The following USP12 variants were observed in gnomAD, a reference collection of about 807,000 sequenced individuals.
The protein encoded by USP12 is ubiquitin specific peptidase 12, also known as ubiquitin carboxyl-terminal hydrolase 12.
Under a neutral mutation model 45.5 loss-of-function variants are expected in USP12, and 19 were observed. That is an observed-to-expected ratio of 0.42 (90% CI 0.29 to 0.61). The LOEUF is 0.61. Ranked by LOEUF, USP12 falls within the 20% of genes least tolerant of loss-of-function variation. The pLI is 0.22. For synonymous variants in USP12, 149 were observed against 148.8 expected (o/e 1.00, Z -0.01); for missense variants, 242 against 447.7 (o/e 0.54, Z 4.15).
chr13:27,169,374 C>G (rs954634097), intron 1 of USP12, among the ~76,000 whole-genome samples: 5 of 152,108 alleles, frequency 3.3e-5, no homozygotes, highest in Admixed American at 2.0e-4. Context: ...AAAACAGCAC[C>G]TACAAAGCCA....
At chr13:27,109,041 T>C (rs1012491156) in intron 2 of USP12, among the ~76,000 whole-genome samples, 8 of 152,142 alleles carry the variant, frequency 5.3e-5, no homozygotes, top group Non-Finnish European at 1.5e-5. Flanking sequence ...CAAACTAATA[T>C]ATAAAAGGAA....
In USP12 at chr13:27,069,268, C is replaced by T; in HGVS notation, c.*15G>A. On this transcript the variant is annotated 3_prime_UTR_variant, in exon 9 of 9. Transcript: ENST00000282344. ...AGAAATGAGGCAGAAAGTGTCTCTT[C>T]ATCACGGTTCCCTCTCAGTCCCGAG... 1 of 1,592,406 alleles carries T rather than the reference C, an allele frequency of 6.3e-7. No individual in the cohort carries two copies. Among genetic ancestry groups the T allele is most frequent in the African/African-American group, 1.3e-5 (1 of 74,572 alleles).
intron 1 of USP12, among the ~76,000 whole-genome samples, chr13:27,157,707 T>C (rs1249397678): frequency 1.3e-5 from 2 of 152,136 alleles, no homozygotes; most frequent in African/African-American, 4.8e-5. Context: ...CGCCAGGACC[T>C]TTGTCCTCTT....
chr13:27,078,907 A>G (rs1873617292), intron 6 of USP12, among the ~76,000 whole-genome samples: 1 of 152,102 alleles, frequency 6.6e-6, no homozygotes, highest in South Asian at 2.1e-4. Flanking sequence ...CATTCTTCTC[A>G]AGTTCAACCG....
intron 7 of USP12, among the ~76,000 whole-genome samples, chr13:27,072,908 C>G (rs1593169150): frequency 6.6e-6 from 1 of 152,084 alleles, no homozygotes; most frequent in East Asian, 1.9e-4. Context: ...ACAAATAAGT[C>G]TGATAAATAA....
At chr13:27,154,067 T>G (rs868033481) in intron 1 of USP12, among the ~76,000 whole-genome samples, 2 of 138,202 alleles carry the variant, frequency 1.4e-5, no homozygotes. Context: ...CACAGAAATA[T>G]CCACATCTTT....
chr13:27,120,911 A>G lies in USP12; in HGVS notation c.49-4315T>C, dbSNP rs189520099. 1.3e-3 allele frequency among the ~76,000 whole-genome samples: 195 copies of G among 152,342 alleles called. 1 individual carries two copies. Among genetic ancestry groups the G allele is most frequent in the African/African-American group, 4.4e-3 (184 of 41,580 alleles). On this transcript the variant is annotated intron_variant, in intron 1 of 8. Transcript: ENST00000282344. ...ATAAAATAATCTGCAGAAATCAAAA[A>G]ACAAAAGTGATGGGGGAACTACGAG... is the stretch of plus-strand genomic sequence containing the variant.
intron 2 of USP12, among the ~76,000 whole-genome samples, chr13:27,112,455 ATTT>A (rs61084865): frequency 7.0e-6 from 1 of 142,438 alleles, no homozygotes; most frequent in Admixed American, 7.1e-5. Flanking sequence ...TGCTCCCAGC[ATTT>A]TTTTTTTTTT....
At chr13:27,163,075 C>G (rs1016418215) in intron 1 of USP12, among the ~76,000 whole-genome samples, 2 of 152,090 alleles carry the variant, frequency 1.3e-5, no homozygotes, top group Non-Finnish European at 2.9e-5. Flanking sequence ...GTTTTGTTGT[C>G]ATTTTCTCTT....
At chr13:27,153,964 A>G (rs1877701685) in intron 1 of USP12, among the ~76,000 whole-genome samples, 1 of 152,250 alleles carries the variant, frequency 6.6e-6, no homozygotes, top group Non-Finnish European at 1.5e-5. Context: ...TCGTTTAATA[A>G]CTGCAAAACA....
intron 2 of USP12, among the ~76,000 whole-genome samples, chr13:27,109,371 A>G (rs775726945): frequency 2.0e-5 from 3 of 152,242 alleles, no homozygotes; most frequent in African/African-American, 7.2e-5. Flanking sequence ...CAAAATCACT[A>G]AACTTTAATC....
At chr13:27,120,294 A>G (rs1040285452) in intron 1 of USP12, among the ~76,000 whole-genome samples, 2 of 152,246 alleles carry the variant, frequency 1.3e-5, no homozygotes, top group African/African-American at 4.8e-5. Flanking sequence ...TATCAAAACT[A>G]ACAATAGCTT....
Position 27,114,782 on chromosome 13 carries a change from AAAAC to A in USP12, c.129+1730_129+1733del, listed in dbSNP as rs1315608623. Among the ~76,000 whole-genome samples the A allele has an allele frequency of 3.3e-5, 5 of 152,144 alleles. No homozygotes were observed. In the South Asian group the frequency reaches 1.0e-3, roughly 32 times the overall value. ...CCTCTCCATTTTTAAAAAAAAAAAAAAAACAAACTTGAGCAATATAGCAAGATCC... is the reference window on the plus strand; with the variant it reads ...CCTCTCCATTTTTAAAAAAAAAAAAAAAACTTGAGCAATATAGCAAGATCC... On this transcript the variant is annotated intron_variant, in intron 2 of 8. Coordinates refer to ENST00000282344, the MANE Select transcript of USP12 (RefSeq NM_182488.4).
intron 3 of USP12, among the ~76,000 whole-genome samples, chr13:27,103,745 C>CAAAA (rs1225480806): frequency 1.7e-5 from 1 of 58,012 alleles, no homozygotes; most frequent in Non-Finnish European, 3.5e-5. Context: ...CCATCTCTAC[C>CAAAA]AAAAAAAAAA....
At chr13:27,116,918 A>C (rs1192855662) in intron 1 of USP12, among the ~76,000 whole-genome samples, 8 of 152,148 alleles carry the variant, frequency 5.3e-5, no homozygotes, top group African/African-American at 1.9e-4. Context: ...TTTATGTAAG[A>C]ACGCTCTGAT....
intron 1 of USP12, among the ~76,000 whole-genome samples, chr13:27,123,544 C>T (rs1207046937): frequency 6.6e-6 from 1 of 152,184 alleles, no homozygotes; most frequent in Non-Finnish European, 1.5e-5. Context: ...TTGTAGCTCT[C>T]ATAATTCCCA....
intron 1 of USP12, among the ~76,000 whole-genome samples, 179 bp downstream of exon 1, chr13:27,171,413 C>G (rs1444424635): frequency 8.2e-5 from 12 of 146,224 alleles, no homozygotes. Flanking sequence ...GCCGCTCACC[C>G]CCGCGCTCCC....
chr13:27,144,029 C>G (rs1317311345), intron 1 of USP12, among the ~76,000 whole-genome samples: 1 of 152,060 alleles, frequency 6.6e-6, no homozygotes, highest in African/African-American at 2.4e-5. Context: ...CATGGGGAAA[C>G]CCTGTCTCTA....
chr13:27,100,737 A>G (rs1314961279), intron 3 of USP12, among the ~76,000 whole-genome samples: 1 of 152,218 alleles, frequency 6.6e-6, no homozygotes, highest in Non-Finnish European at 1.5e-5. Context: ...AATTATGCTA[A>G]AGTTGAGTTG....
Sources: gnomAD v4.1 joint callset for allele counts (sites outside exome capture counted in the v4.1 genomes callset) on GRCh38, gnomAD v4.1.1 for gene constraint, MANE v1.5 for transcripts, NCBI Gene and HGNC (gene_info 2026-07-23, HGNC 2026-07-21) for gene names.